LRRTM4: variants seen among roughly 807,000 people sequenced by gnomAD.
The protein encoded by LRRTM4 is leucine rich repeat transmembrane neuronal 4.
A neutral mutation model predicts 47.6 loss-of-function variants in LRRTM4; 25 were observed. The ratio of observed to expected loss-of-function variants is 0.53; its 90% confidence interval spans 0.38 to 0.73. The LOEUF is 0.73. Among genes scored for constraint, LRRTM4 ranks in the 30% least tolerant of loss-of-function variants. The probability of loss-of-function intolerance (pLI) is 0.00; values close to 1 mark genes in which losing one functional copy is unlikely to be tolerated. For missense variants in LRRTM4, 638 were observed against 713.4 expected (o/e 0.89, Z 1.20); for synonymous variants, 311 against 269.5 (o/e 1.15, Z -1.51).
intron 3 of LRRTM4, among the ~76,000 whole-genome samples, chr2:77,111,317 A>G (rs1671244312): frequency 7.0e-6 from 1 of 142,024 alleles, no homozygotes; most frequent in South Asian, 2.4e-4. Flanking sequence ...TTTATTAGAA[A>G]CAGGGTTTCA....
intron 3 of LRRTM4, among the ~76,000 whole-genome samples, chr2:77,234,631 G>C (rs1054164761): frequency 2.6e-5 from 4 of 152,092 alleles, no homozygotes; most frequent in Non-Finnish European, 5.9e-5. Flanking sequence ...ATTTAATCTT[G>C]TCTGCACATT....
chr2:77,193,532 G>A (rs1041805470), intron 3 of LRRTM4, among the ~76,000 whole-genome samples: 26 of 151,128 alleles, frequency 1.7e-4, no homozygotes, highest in African/African-American at 4.6e-4. Flanking sequence ...TTTTTCGGCC[G>A]GGCGTAGTGG....
chr2:76,850,484 G>A (rs1212830960), intron 3 of LRRTM4, among the ~76,000 whole-genome samples: 1 of 152,184 alleles, frequency 6.6e-6, no homozygotes, highest in Non-Finnish European at 1.5e-5. Context: ...AATTTTGCCA[G>A]TTGATAATTG....
chr2:76,948,593 A>T (rs1198709662), intron 3 of LRRTM4, among the ~76,000 whole-genome samples: 1 of 151,856 alleles, frequency 6.6e-6, no homozygotes, highest in Non-Finnish European at 1.5e-5. Flanking sequence ...GTAACTTAAT[A>T]ACAGCTCTTA....
intron 3 of LRRTM4, among the ~76,000 whole-genome samples, chr2:77,253,471 C>T (rs1675678160): frequency 6.6e-6 from 1 of 152,082 alleles, no homozygotes; most frequent in Admixed American, 6.6e-5. Flanking sequence ...AGAGGCCACC[C>T]TGAACTATAT....
intron 3 of LRRTM4, among the ~76,000 whole-genome samples, chr2:77,138,594 C>G (rs1372897146): frequency 6.6e-6 from 1 of 152,040 alleles, no homozygotes; most frequent in Non-Finnish European, 1.5e-5. Context: ...CATTCAAAAG[C>G]TAGCAGAAGG....
At chr2:77,332,775 C>T (rs1405334977) in intron 3 of LRRTM4, among the ~76,000 whole-genome samples, 2 of 152,156 alleles carry the variant, frequency 1.3e-5, no homozygotes, top group Admixed American at 6.5e-5. Flanking sequence ...TGTTGTCCTA[C>T]ACCTACACTA....
intron 3 of LRRTM4, among the ~76,000 whole-genome samples, chr2:77,193,237 C>G (rs1249696466): frequency 6.6e-6 from 1 of 152,040 alleles, no homozygotes; most frequent in Non-Finnish European, 1.5e-5. Flanking sequence ...GTGTAGCAGG[C>G]CATGCCAACT....
chr2:77,043,512 T>C (rs994259628), intron 3 of LRRTM4, among the ~76,000 whole-genome samples: 2 of 151,784 alleles, frequency 1.3e-5, no homozygotes, highest in Non-Finnish European at 2.9e-5. Context: ...CCTAAACGAA[T>C]GTCATTGTGT....
At chr2:77,245,540 A>G (rs1675420622) in intron 3 of LRRTM4, among the ~76,000 whole-genome samples, 1 of 80,784 alleles carries the variant, frequency 1.2e-5, no homozygotes. Flanking sequence ...AAAAAAAAAG[A>G]AGAAGAAGAG....
intron 3 of LRRTM4, chr2:77,517,632 C>CA (rs976204702): frequency 2.1e-6 from 2 of 936,338 alleles, no homozygotes; most frequent in Middle Eastern, 5.5e-4. Context: ...AACAAACAAA[C>CA]AAAAAAAGAA....
At position 77,012,338 on chromosome 2, in the gene LRRTM4, G is replaced by A. The variant is rs183770157; in HGVS notation, c.1552-263422C>T. ...GTATTATAACACAGAGGTTTGAAAC[G>A]GATGTTCTAGTAAAACCTCTTGTAG... On this transcript the variant is annotated intron_variant, in intron 3 of 3. Transcript: ENST00000409884. Among the ~76,000 whole-genome samples, 35 of 151,964 alleles carry A rather than the reference G, an allele frequency of 2.3e-4. No individual in the cohort carries two copies. In the East Asian group the frequency reaches 5.6e-3, roughly 24 times the overall value.
chr2:77,461,626 C>CT lies in LRRTM4; in HGVS notation c.1551+56691dup, dbSNP rs555900489. Among the ~76,000 whole-genome samples the CT allele has an allele frequency of 1.7e-3, 259 of 151,894 alleles. 3 individuals are homozygous for CT. Among genetic ancestry groups the CT allele is most frequent in the African/African-American group, 5.9e-3 (243 of 41,472 alleles). On this transcript the variant is annotated intron_variant, in intron 3 of 3. Coordinates refer to ENST00000409884, the MANE Select transcript of LRRTM4 (RefSeq NM_001134745.3). ...GATTTTCAAAGTAACAAATATCAAG[C>CT]TTTTTTTTCAGAAAGAAGCAATTAC...
chr2:77,000,131 T>TA (rs1241460855), intron 3 of LRRTM4, among the ~76,000 whole-genome samples: 2 of 150,506 alleles, frequency 1.3e-5, no homozygotes, highest in East Asian at 4.0e-4. Context: ...TAATGGCTGA[T>TA]ACGGAGAAAG....
At chr2:77,471,027 T>C (rs1188331625) in intron 3 of LRRTM4, among the ~76,000 whole-genome samples, 1 of 152,166 alleles carries the variant, frequency 6.6e-6, no homozygotes, top group Non-Finnish European at 1.5e-5. Context: ...TGTTGCTGAC[T>C]TCTGATGTCT....
At chr2:76,777,233 GC>G (rs1674063574) in intron 3 of LRRTM4, among the ~76,000 whole-genome samples, 2 of 150,352 alleles carry the variant, frequency 1.3e-5, no homozygotes, top group Admixed American at 6.6e-5. Context: ...GATTGACTTG[GC>G]CATGCGGGCT....
chr2:76,968,383 T>TATATAC lies in LRRTM4; in HGVS notation c.1552-219468_1552-219467insGTATAT, dbSNP rs797010446. 3.6e-3 allele frequency among the ~76,000 whole-genome samples: 401 copies of TATATAC among 111,188 alleles called. 1 individual carries two copies. The highest frequency in any genetic ancestry group is 0.011 in the East Asian group (33 of 2,988). The allele number at this position is 111,188 out of a possible 152,430, so 72.9% of individuals were successfully genotyped here. On this transcript the variant is annotated intron_variant, in intron 3 of 3. Transcript: ENST00000409884. ...ATATATATATATATATATATATATA[T>TATATAC]ACACATACATACATACATATATATG...
At chr2:76,814,233 TATA>T (rs1468727554) in intron 3 of LRRTM4, among the ~76,000 whole-genome samples, 1 of 152,140 alleles carries the variant, frequency 6.6e-6, no homozygotes, top group Non-Finnish European at 1.5e-5. Context: ...AAAAAGCTTA[TATA>T]ATAAGATATA....
intron 3 of LRRTM4, among the ~76,000 whole-genome samples, chr2:77,276,033 A>G (rs1392950547): frequency 6.6e-6 from 1 of 152,066 alleles, no homozygotes; most frequent in Non-Finnish European, 1.5e-5. Flanking sequence ...TGAGTAGGAA[A>G]AGTGTGACTG....
Sources: allele counts gnomAD v4.1 joint callset (sites outside exome capture counted in the v4.1 genomes callset), GRCh38; gene constraint gnomAD v4.1.1; transcripts MANE v1.5; gene names NCBI Gene and HGNC (gene_info 2026-07-23, HGNC 2026-07-21).